APBB1IP: variants seen among roughly 807,000 people sequenced by gnomAD.
APBB1IP encodes amyloid beta precursor protein binding family B member 1 interacting protein.
APBB1IP carries 27 observed loss-of-function variants against 64.9 expected under a neutral mutation model. The observed-to-expected ratio is 0.42, with a 90% CI of 0.31 to 0.57. The LOEUF is 0.57. APBB1IP is among the 20% of genes least tolerant of loss of function. The pLI, the probability that APBB1IP is intolerant of heterozygous loss-of-function variation, is 0.20. For synonymous variants in APBB1IP, 392 were observed against 331.0 expected, an observed-to-expected ratio of 1.18 and a Z score of -2.00; for missense variants, 812 against 845.5, an observed-to-expected ratio of 0.96 and a Z score of 0.49.
chr10:26,487,406 A>G (rs1835905654), intron 2 of APBB1IP, among the ~76,000 whole-genome samples: 1 of 152,184 alleles, frequency 6.6e-6, no homozygotes, highest in African/African-American at 2.4e-5. Context: ...GAATTTACAG[A>G]TTAATAATTT....
chr10:26,524,373 A>T (rs1434518874), intron 8 of APBB1IP, among the ~76,000 whole-genome samples: 7 of 152,088 alleles, frequency 4.6e-5, no homozygotes, highest in Non-Finnish European at 8.8e-5. Context: ...GTTTCTCCGT[A>T]ATTACCCACT....
chr10:26,468,475 C>G (rs1240936178), intron 2 of APBB1IP, among the ~76,000 whole-genome samples: 1 of 152,112 alleles, frequency 6.6e-6, no homozygotes. Flanking sequence ...GGCAGAAAAC[C>G]TTGACCCGTC....
intron 2 of APBB1IP, among the ~76,000 whole-genome samples, chr10:26,489,459 C>T (rs1052912771): frequency 4.6e-5 from 7 of 152,046 alleles, no homozygotes; most frequent in Non-Finnish European, 8.8e-5. Flanking sequence ...AAATGATAAA[C>T]GCAAGATAAT....
intron 2 of APBB1IP, among the ~76,000 whole-genome samples, chr10:26,468,567 G>C (rs1259409075): frequency 6.6e-6 from 1 of 152,188 alleles, no homozygotes; most frequent in Non-Finnish European, 1.5e-5. Context: ...GTTTCTCTAG[G>C]TCACACCAGA....
chr10:26,518,002 T>G (rs1836353519), intron 8 of APBB1IP, among the ~76,000 whole-genome samples: 1 of 152,220 alleles, frequency 6.6e-6, no homozygotes, highest in Non-Finnish European at 1.5e-5. Flanking sequence ...TCACCCAGGC[T>G]GGAATACAGT....
At chr10:26,517,632 C>G (rs555601822) in intron 8 of APBB1IP, among the ~76,000 whole-genome samples, 10 of 152,338 alleles carry the variant, frequency 6.6e-5, no homozygotes, top group Middle Eastern at 3.4e-3. Context: ...TTTTGAGAGA[C>G]AGGCTCTCAC....
intron 12 of APBB1IP, among the ~76,000 whole-genome samples, chr10:26,560,404 C>T (rs1836952123): frequency 6.6e-6 from 1 of 152,136 alleles, no homozygotes; most frequent in Non-Finnish European, 1.5e-5. Flanking sequence ...GATATTTACT[C>T]ATGGCGAGTA....
intron 3 of APBB1IP, 129 bp downstream of exon 3, chr10:26,492,527 T>C: frequency 1.3e-6 from 1 of 767,482 alleles, no homozygotes; most frequent in Non-Finnish European, 2.1e-6. Context: ...GATATTTCAA[T>C]GTAGGTTCTT....
chr10:26,465,994 C>T (rs1047646049), intron 2 of APBB1IP, among the ~76,000 whole-genome samples: 10 of 152,170 alleles, frequency 6.6e-5, no homozygotes, highest in Non-Finnish European at 1.3e-4. Flanking sequence ...TCAGGAATTC[C>T]GACAGTCCAC....
intron 8 of APBB1IP, among the ~76,000 whole-genome samples, chr10:26,520,916 T>A (rs1836393985): frequency 6.6e-6 from 1 of 152,204 alleles, no homozygotes; most frequent in African/African-American, 2.4e-5. Context: ...AAGTTCTGTA[T>A]AATAGATTAT....
chr10:26,567,171 C>A lies in APBB1IP; in HGVS notation c.1684C>A (p.Pro562Thr). 3 of 1,419,672 alleles carry A rather than the reference C, an allele frequency of 2.1e-6. No individual in the cohort carries two copies. The highest frequency in any genetic ancestry group is 1.8e-6 in the Non-Finnish European group (2 of 1,092,914). The allele number at this position is 1,419,672 out of a possible 1,614,324, so 87.9% of individuals were successfully genotyped here. ...CCTGCCGCCGCCGCCACCGCCGCCG[C>A]CCCTCGATGACCCTGAGCTCCCGCC... The part of the protein sequence containing the change: ...DFLPPPPPPP[P>T]LDDPELPPPP... Residue 562 changes from proline (P) to threonine (T), a missense_variant, in exon 15 of 15, where the codon CCC becomes ACC. Coordinates refer to ENST00000376236, the MANE Select transcript of APBB1IP (RefSeq NM_019043.4).
At chr10:26,511,634 C>G in intron 6 of APBB1IP, 113 bp from the exon 7 acceptor site, 1 of 1,298,640 alleles carries the variant, frequency 7.7e-7, no homozygotes, top group Non-Finnish European at 1.1e-6. Flanking sequence ...AGCAAGTTCA[C>G]CAAACACATT....
At chr10:26,559,417 G>C (rs975522407) in intron 11 of APBB1IP, among the ~76,000 whole-genome samples, 1 of 151,218 alleles carries the variant, frequency 6.6e-6, no homozygotes, top group Admixed American at 6.6e-5. Context: ...AAAAAACAAC[G>C]TTTTTTTCAA....
intron 2 of APBB1IP, among the ~76,000 whole-genome samples, chr10:26,491,782 G>A: frequency 8.4e-6 from 1 of 118,450 alleles, no homozygotes; most frequent in Non-Finnish European, 1.7e-5. Flanking sequence ...TTTTTTTGGA[G>A]ACGGAGTCTC....
chr10:26,492,475 G>A, intron 3 of APBB1IP, 77 bp downstream of exon 3: 2 of 1,372,798 alleles, frequency 1.5e-6, no homozygotes, highest in Non-Finnish European at 2.1e-6. Flanking sequence ...TGACAAGGGA[G>A]CTGTCTTTTT....
chr10:26,475,749 A>G (rs1835767996), intron 2 of APBB1IP, among the ~76,000 whole-genome samples: 1 of 152,196 alleles, frequency 6.6e-6, no homozygotes, highest in Admixed American at 6.5e-5. Flanking sequence ...AGCAGTACAC[A>G]GGAGAGATAA....
At chr10:26,561,755 TG>T (rs1203002610) in intron 13 of APBB1IP, among the ~76,000 whole-genome samples, 1 of 152,102 alleles carries the variant, frequency 6.6e-6, no homozygotes, top group Non-Finnish European at 1.5e-5. Flanking sequence ...CCAGGACTTT[TG>T]GGGGGAAAAA....
chr10:26,553,186 A>G (rs1220421190), intron 11 of APBB1IP, among the ~76,000 whole-genome samples: 4 of 149,242 alleles, frequency 2.7e-5, no homozygotes, highest in Non-Finnish European at 4.5e-5. Flanking sequence ...CACACCCAGC[A>G]AATTTTTGTA....
chr10:26,458,872 T>C (rs1835556960), intron 2 of APBB1IP, among the ~76,000 whole-genome samples: 1 of 152,206 alleles, frequency 6.6e-6, no homozygotes, highest in Non-Finnish European at 1.5e-5. Context: ...AAATTTCCTC[T>C]GAATTTGACT....
Sources: allele counts gnomAD v4.1 joint callset (sites outside exome capture counted in the v4.1 genomes callset), GRCh38; gene constraint gnomAD v4.1.1; transcripts MANE v1.5; gene names NCBI Gene and HGNC (gene_info 2026-07-23, HGNC 2026-07-21).